The following CEP126 variants were observed in gnomAD, a reference collection of about 807,000 sequenced individuals.
CEP126 encodes centrosomal protein of 126 kDa.
In CEP126, 74 loss-of-function variants were observed where a neutral mutation model predicts 107.8. That is an observed-to-expected ratio of 0.69 (90% CI 0.57 to 0.83). The LOEUF (loss-of-function observed/expected upper bound fraction) is 0.83. Among genes scored for constraint, CEP126 ranks in the 40% least tolerant of loss-of-function variants. The pLI is 0.00. For missense variants in CEP126, 1,237 were observed against 1,281.9 expected (o/e 0.96, Z 0.53); for synonymous variants, 449 against 446.0 (o/e 1.01, Z -0.08).
intron 4 of CEP126, among the ~76,000 whole-genome samples, chr11:101,949,815 A>AGT (rs1162217087): frequency 3.9e-5 from 6 of 152,186 alleles, no homozygotes; most frequent in Non-Finnish European, 7.3e-5. Flanking sequence ...ACTGACACAA[A>AGT]GTCAGTATTA....
chr11:101,988,838 C>A (rs920839908), intron 9 of CEP126, among the ~76,000 whole-genome samples: 1 of 151,788 alleles, frequency 6.6e-6, no homozygotes, highest in Admixed American at 6.5e-5. Flanking sequence ...AGTCTTACTT[C>A]AGAAGAAATA....
chr11:101,930,670 G>A (rs931835129), intron 2 of CEP126, among the ~76,000 whole-genome samples: 1 of 152,192 alleles, frequency 6.6e-6, no homozygotes, highest in African/African-American at 2.4e-5. Context: ...TTTACAGAGT[G>A]CTGATTGGCC....
Position 101,998,734 on chromosome 11 carries a change from A to G in CEP126, c.*1091A>G, listed in dbSNP as rs1397046567. On this transcript the variant is annotated 3_prime_UTR_variant, in exon 11 of 11. Transcript: ENST00000263468. ...AAACACTTGATGTAGTGAGAAATGCATTAACATGTTGAATGCCTACCATGT... is the reference window on the plus strand; with the variant it reads ...AAACACTTGATGTAGTGAGAAATGCGTTAACATGTTGAATGCCTACCATGT... 1 of 152,100 alleles carries G rather than the reference A, an allele frequency of 6.6e-6. No homozygotes were observed. The highest frequency in any genetic ancestry group is 2.4e-5 in the African/African-American group (1 of 41,406). 9.4% of individuals were successfully genotyped at this position (152,100 alleles called of 1,614,324 possible). A position where few individuals can be genotyped will look rare whatever the true frequency, so the allele number is the denominator to read the frequency against.
intron 6 of CEP126, among the ~76,000 whole-genome samples, chr11:101,971,217 C>T (rs867004156): frequency 6.6e-6 from 1 of 152,118 alleles, no homozygotes; most frequent in South Asian, 2.1e-4. Flanking sequence ...TCAGGTGCTC[C>T]GCCTCCCTAG....
Position 101,922,780 on chromosome 11 carries a change from T to C in CEP126, c.248+20T>C, listed in dbSNP as rs758983661. 14 of 1,596,116 alleles carry C rather than the reference T, an allele frequency of 8.8e-6. No individual in the cohort carries two copies. Among genetic ancestry groups the C allele is most frequent in the Middle Eastern group, 1.7e-4 (1 of 5,970 alleles). On this transcript the variant is annotated intron_variant, in intron 2 of 10. Coordinates refer to ENST00000263468, the MANE Select transcript of CEP126 (RefSeq NM_020802.4). ...AAAAAAGTAAGTAATTGCACTTTAT[T>C]CAGAAGTATAGAAATTCAAAGTCAA...
intron 4 of CEP126, among the ~76,000 whole-genome samples, chr11:101,952,719 G>A (rs1263420952): frequency 6.6e-6 from 1 of 152,184 alleles, no homozygotes; most frequent in African/African-American, 2.4e-5. Flanking sequence ...ACATGTTTGA[G>A]TTTGAGACAC....
intron 2 of CEP126, among the ~76,000 whole-genome samples, chr11:101,930,437 C>T (rs1304421214): frequency 6.6e-6 from 1 of 152,068 alleles, no homozygotes; most frequent in East Asian, 1.9e-4. Flanking sequence ...TTCGTGGTCT[C>T]GCTGACTTCA....
chr11:101,984,111 C>G (rs1388483867), intron 8 of CEP126, among the ~76,000 whole-genome samples: 2 of 152,182 alleles, frequency 1.3e-5, no homozygotes, highest in Non-Finnish European at 2.9e-5. Flanking sequence ...GCTGTGTGAC[C>G]AGACTATCGT....
rs1468328723 is a variant in CEP126 at position 101,999,576 on chromosome 11, G to T, written c.*1933G>T. ...ACTAGAACTTGCACATTATGATATT[G>T]TCCTTTTATGAAACTGTCATATGAC... On this transcript the variant is annotated 3_prime_UTR_variant, in exon 11 of 11. Transcript: ENST00000263468. 6.8e-6 allele frequency: 1 copy of T among 147,006 alleles called. No homozygotes were observed. Among genetic ancestry groups the T allele is most frequent in the Non-Finnish European group, 1.5e-5 (1 of 66,932 alleles). The allele number at this position is 147,006 out of a possible 1,614,324, so 9.1% of individuals were successfully genotyped here.
At position 101,930,333 on chromosome 11, in the gene CEP126, A is replaced by G. The variant is rs1469725541; in HGVS notation, c.248+7573A>G. The stretch of plus-strand genomic sequence containing the variant: ...CTGAATCTTCTCTAGATTACTTATA[A>G]TAACTAATACAGTGTAAATGTTATG... On this transcript the variant is annotated intron_variant, in intron 2 of 10. Transcript: ENST00000263468. 3.3e-5 allele frequency among the ~76,000 whole-genome samples: 5 copies of G among 152,208 alleles called. 1 individual carries two copies. In the East Asian group the frequency reaches 9.6e-4, roughly 29 times the overall value.
chr11:101,915,074 G>A lies in CEP126; in HGVS notation c.-211G>A, dbSNP rs911490223. Reference sequence around the variant, plus strand: ...CTGCCGCCCCATCTGCTATTGCCCGGCGAGGTCGCCGCTGCCTCAGCTGCC... The same window carrying A: ...CTGCCGCCCCATCTGCTATTGCCCGACGAGGTCGCCGCTGCCTCAGCTGCC... On this transcript the variant is annotated 5_prime_UTR_variant, in exon 1 of 11. Transcript: ENST00000263468. 24 of 605,584 alleles carry A rather than the reference G, an allele frequency of 4.0e-5. No individual in the cohort carries two copies. In the African/African-American group the frequency reaches 4.1e-4, roughly 10 times the overall value. 37.5% of individuals were successfully genotyped at this position (605,584 alleles called of 1,614,324 possible).
intron 1 of CEP126, chr11:101,916,101 T>A (rs149724468): frequency 6.6e-6 from 1 of 152,380 alleles, no homozygotes; most frequent in African/African-American, 2.4e-5. Flanking sequence ...TCAGGTTTAT[T>A]CCTTTAGAGA....
intron 7 of CEP126, among the ~76,000 whole-genome samples, chr11:101,981,106 C>G (rs1255344862): frequency 6.6e-6 from 1 of 152,130 alleles, no homozygotes; most frequent in Non-Finnish European, 1.5e-5. Flanking sequence ...CTGAGACTTC[C>G]GTTTTCAAGG....
chr11:101,930,905 C>T (rs970576142), intron 2 of CEP126, among the ~76,000 whole-genome samples: 1 of 152,168 alleles, frequency 6.6e-6, no homozygotes, highest in Non-Finnish European at 1.5e-5. Flanking sequence ...CTGTATATAT[C>T]ATGCACAGGA....
rs764137790 is a variant in CEP126 at position 101,978,442 on chromosome 11, T to C, written c.2941T>C (p.Tyr981His). ...AAACCCTGGATCTGTAGGACAGAAGTACAGTGAGCAAATTAATGTAAGTAT... is the reference window on the plus strand; with the variant it reads ...AAACCCTGGATCTGTAGGACAGAAGCACAGTGAGCAAATTAATGTAAGTAT... ...RQNPGSVGQKYSEQINNFGQS... is the reference protein window; with the variant it reads ...RQNPGSVGQKHSEQINNFGQS... The change falls in exon 7 of 11, where the codon TAC (tyrosine) becomes CAC (histidine). Residue 981 changes from tyrosine (Y) to histidine (H), a missense_variant. By Grantham distance (83) the Tyr-to-His change is moderately conservative. Around this residue, in one of 3 missense-constraint regions of CEP126, gnomAD observed 1,134 missense variants for 1,150.5 expected, o/e 0.99. Transcript: ENST00000263468. 5.0e-6 allele frequency: 8 copies of C among 1,601,462 alleles called. No individual in the cohort carries two copies. Among genetic ancestry groups the C allele is most frequent in the Non-Finnish European group, 6.0e-6 (7 of 1,169,720 alleles).
intron 5 of CEP126, among the ~76,000 whole-genome samples, chr11:101,960,001 T>A (rs1940950839): frequency 6.6e-6 from 1 of 152,156 alleles, no homozygotes; most frequent in South Asian, 2.1e-4. Flanking sequence ...GCTGGAAATG[T>A]TTCAAATTTG....
chr11:101,955,758 G>A (rs12577623), intron 4 of CEP126: 36,296 of 397,370 alleles, frequency 0.091, 2,325 homozygotes, highest in East Asian at 0.28. Flanking sequence ...CTGTCTCTCT[G>A]CCTGCCTGTC....
intron 9 of CEP126, 64 bp from the exon 10 acceptor site, chr11:101,992,714 A>T: frequency 1.1e-6 from 1 of 896,282 alleles, no homozygotes; most frequent in Non-Finnish European, 1.6e-6. Flanking sequence ...TTGATTCTTT[A>T]GTCATTCTTC....
At chr11:101,940,055 A>G (rs1418355579) in intron 2 of CEP126, among the ~76,000 whole-genome samples, 1 of 152,214 alleles carries the variant, frequency 6.6e-6, no homozygotes, top group Non-Finnish European at 1.5e-5. Flanking sequence ...AGTGAAGTAG[A>G]TAGTGCTCTA....
Sources: gnomAD v4.1 joint callset for allele counts (sites outside exome capture counted in the v4.1 genomes callset) on GRCh38, gnomAD v4.1.1 for gene constraint, gnomAD v4.1.1 regional missense constraint, MANE v1.5 for transcripts, NCBI Gene and HGNC (gene_info 2026-07-23, HGNC 2026-07-21) for gene names.